NEK11: variants seen among roughly 807,000 people sequenced by gnomAD.
NEK11 encodes NIMA related kinase 11, also known as serine/threonine-protein kinase Nek11.
Under a neutral mutation model 80.7 loss-of-function variants are expected in NEK11, and 72 were observed. The ratio of observed to expected loss-of-function variants is 0.89; its 90% CI spans 0.74 to 1.08. The LOEUF (loss-of-function observed/expected upper bound fraction) is 1.08. Among genes scored for constraint, NEK11 ranks in the 50% least tolerant of loss-of-function variants. NEK11 has a pLI of 0.00. For synonymous variants in NEK11, 251 were observed against 260.7 expected, an observed-to-expected ratio of 0.96 and a Z score of 0.36; for missense variants, 764 against 763.6, an observed-to-expected ratio of 1.00 and a Z score of -0.01.
At chr3:131,305,101 G>A (rs1031033605) in intron 17 of NEK11, among the ~76,000 whole-genome samples, 10 of 151,756 alleles carry the variant, frequency 6.6e-5, no homozygotes, top group African/African-American at 2.4e-4. Flanking sequence ...CCACACATTG[G>A]TGGAGGGGGC....
At chr3:131,106,239 G>T (rs997383133) in intron 4 of NEK11, among the ~76,000 whole-genome samples, 4 of 148,802 alleles carry the variant, frequency 2.7e-5, no homozygotes, top group Non-Finnish European at 4.5e-5. Flanking sequence ...TCTCTCTGTA[G>T]TAAGAAACTG....
intron 17 of NEK11, among the ~76,000 whole-genome samples, chr3:131,344,770 A>G (rs986173985): frequency 7.2e-5 from 11 of 152,260 alleles, no homozygotes; most frequent in South Asian, 6.2e-4. Flanking sequence ...AGCAAGAGAG[A>G]GAGTGGGGAG....
At chr3:131,263,453 T>C (rs761221590) in intron 16 of NEK11, among the ~76,000 whole-genome samples, 24 of 152,342 alleles carry the variant, frequency 1.6e-4, no homozygotes, top group Non-Finnish European at 2.9e-4. Flanking sequence ...AGTACCATGC[T>C]GTTTTGGTTA....
intron 17 of NEK11, among the ~76,000 whole-genome samples, chr3:131,318,141 A>G (rs1006033860): frequency 6.6e-6 from 1 of 152,162 alleles, no homozygotes; most frequent in Non-Finnish European, 1.5e-5. Flanking sequence ...TAAGGAAAGA[A>G]AAATTGAAGG....
rs548262870 is a variant in NEK11 at position 131,343,685 on chromosome 3, C to A, written c.1719-5872C>A. 1.8e-4 allele frequency among the ~76,000 whole-genome samples: 28 copies of A among 152,340 alleles called. No individual in the cohort carries two copies. The South Asian group carries it at 5.0e-3, about 27-fold the overall frequency. On this transcript the variant is annotated intron_variant, in intron 17 of 17. Coordinates refer to ENST00000383366, the MANE Select transcript of NEK11 (RefSeq NM_024800.5). The stretch of plus-strand genomic sequence containing the variant: ...ATTCTGTGCACCTGCAGGCTTAACA[C>A]CATGTAGAAGCTGCCAGAGCTTATG...
At chr3:131,086,839 GTGA>G (rs1159273540) in intron 4 of NEK11, among the ~76,000 whole-genome samples, 1 of 152,128 alleles carries the variant, frequency 6.6e-6, no homozygotes, top group Non-Finnish European at 1.5e-5. Context: ...AAATTTTAAT[GTGA>G]TGATATGATT....
chr3:131,338,864 A>G (rs2097240030), intron 17 of NEK11, among the ~76,000 whole-genome samples: 1 of 152,226 alleles, frequency 6.6e-6, no homozygotes, highest in South Asian at 2.1e-4. Flanking sequence ...AAAGGATATG[A>G]GGGAATTCTG....
At chr3:131,245,554 T>C (rs550553739) in intron 16 of NEK11, among the ~76,000 whole-genome samples, 3 of 152,156 alleles carry the variant, frequency 2.0e-5, no homozygotes, top group Non-Finnish European at 4.4e-5. Context: ...TTTATATTCC[T>C]ACCAAAATAC....
At chr3:131,117,220 T>C (rs1290605113) in intron 5 of NEK11, among the ~76,000 whole-genome samples, 1 of 151,158 alleles carries the variant, frequency 6.6e-6, no homozygotes, top group Admixed American at 6.6e-5. Flanking sequence ...CAGCACCATT[T>C]ATTAAAGAGG....
chr3:131,113,253 G>C (rs903599923), intron 5 of NEK11, among the ~76,000 whole-genome samples: 2 of 152,000 alleles, frequency 1.3e-5, no homozygotes, highest in African/African-American at 4.8e-5. Context: ...TTATGAATAT[G>C]CTGGGTAGAA....
intron 16 of NEK11, among the ~76,000 whole-genome samples, chr3:131,262,827 C>T (rs904399135): frequency 2.0e-5 from 3 of 151,958 alleles, no homozygotes; most frequent in South Asian, 2.1e-4. Flanking sequence ...CCCCAACCCC[C>T]GACAGGCCCT....
At chr3:131,323,524 G>T (rs1032621806) in intron 17 of NEK11, among the ~76,000 whole-genome samples, 2 of 152,136 alleles carry the variant, frequency 1.3e-5, no homozygotes, top group Non-Finnish European at 2.9e-5. Context: ...TTTCTGGAAT[G>T]CATGTCACAT....
intron 10 of NEK11, among the ~76,000 whole-genome samples, chr3:131,157,288 A>T (rs909282082): frequency 1.3e-5 from 2 of 152,136 alleles, no homozygotes; most frequent in Non-Finnish European, 2.9e-5. Context: ...AATTTTCATT[A>T]AAATTATCTT....
intron 5 of NEK11, among the ~76,000 whole-genome samples, chr3:131,121,842 G>C (rs1159103009): frequency 6.6e-6 from 1 of 152,192 alleles, no homozygotes; most frequent in Non-Finnish European, 1.5e-5. Flanking sequence ...GAAAAGCACA[G>C]TATTAGGGTG....
chr3:131,325,610 A>G (rs1453055404), intron 17 of NEK11: 1 of 152,186 alleles, frequency 6.6e-6, no homozygotes, highest in African/African-American at 2.4e-5. Flanking sequence ...AAGTTGGGAT[A>G]ATCATAAAAA....
chr3:131,028,936 T>A lies in NEK11; in HGVS notation c.-96-677T>A, dbSNP rs114483502. On this transcript the variant is annotated intron_variant, in intron 2 of 17. Transcript: ENST00000383366. ...TTTATCTGTAGCATTTATATTCCAC[T>A]GACATTAAATGGGATTTTAGGTTTG... 9.5e-3 allele frequency among the ~76,000 whole-genome samples: 1,444 copies of A among 152,336 alleles called. 19 individuals are homozygous for A. The highest frequency in any genetic ancestry group is 0.031 in the African/African-American group (1,291 of 41,570).
At chr3:131,178,574 A>C (rs2093172822) in intron 14 of NEK11, among the ~76,000 whole-genome samples, 1 of 152,210 alleles carries the variant, frequency 6.6e-6, no homozygotes, top group South Asian at 2.1e-4. Flanking sequence ...ATCTCGTCCC[A>C]CTGGGAGATC....
At chr3:131,288,085 A>G (rs1029688291) in intron 17 of NEK11, among the ~76,000 whole-genome samples, 2 of 152,150 alleles carry the variant, frequency 1.3e-5, no homozygotes, top group Non-Finnish European at 2.9e-5. Context: ...GAATCCACCC[A>G]TTTCATGACC....
chr3:131,156,767 G>A (rs960429283), intron 10 of NEK11, among the ~76,000 whole-genome samples: 4 of 152,130 alleles, frequency 2.6e-5, no homozygotes, highest in African/African-American at 9.7e-5. Context: ...GCATTTAAGT[G>A]AGTTAATTCA....
Sources: allele counts gnomAD v4.1 joint callset (sites outside exome capture counted in the v4.1 genomes callset), GRCh38; gene constraint gnomAD v4.1.1; transcripts MANE v1.5; gene names NCBI Gene and HGNC (gene_info 2026-07-23, HGNC 2026-07-21).